FBN3: variants seen among roughly 807,000 people sequenced by gnomAD.
FBN3 encodes fibrillin 3, also known as fibrillin-3.
FBN3 carries 234 observed loss-of-function variants against 330.1 expected under a neutral mutation model. The observed-to-expected ratio is 0.71, with a 90% confidence interval of 0.64 to 0.79. The LOEUF (loss-of-function observed/expected upper bound fraction) is 0.79, where lower values mean the gene tolerates loss of function less well. FBN3 is among the 30% of genes least tolerant of loss of function. The pLI is 0.00. For missense variants in FBN3, 3,606 were observed against 3,886.9 expected (o/e 0.93, Z 1.92); for synonymous variants, 1,458 against 1,517.3 (o/e 0.96, Z 0.91).
At chr19:8,091,942 G>C (rs957421271) in intron 47 of FBN3, among the ~76,000 whole-genome samples, 2 of 152,194 alleles carry the variant, frequency 1.3e-5, no homozygotes, top group African/African-American at 4.8e-5. Context: ...AGCACTTTGG[G>C]AGGTGGAGGC....
At position 8,096,820 on chromosome 19, in the gene FBN3, T is replaced by C; in HGVS notation, c.5413+61A>G. The C allele has an allele frequency of 6.3e-7, 1 of 1,581,318 alleles. No individual in the cohort carries two copies. The stretch of plus-strand genomic sequence containing the variant: ...AAGACCTGGACAGAGCCATACCCCA[T>C]CTAAGTCCCCATGGGTGACAGAGCC... On this transcript the variant is annotated intron_variant, in intron 43 of 63. Coordinates refer to ENST00000600128, the MANE Select transcript of FBN3 (RefSeq NM_032447.5). This position sits in a 1 kb window ranked among gnomAD's most constrained non-coding sequence, Gnocchi z 4.6.
rs576679005 is a variant in FBN3, at chr19:8,087,223, C to G, written c.6620-12G>C. 3.8e-6 allele frequency: 6 copies of G among 1,573,498 alleles called. No individual in the cohort carries two copies. In the South Asian group the frequency reaches 6.9e-5, roughly 18 times the overall value. ...ACACTCGTCCACATCTTCGGATGAC[C>G]AGAGACAGATGGTCAGTCAAGGCCA... On this transcript the variant is annotated splice_polypyrimidine_tract_variant and intron_variant, in intron 53 of 63. Coordinates refer to ENST00000600128, the MANE Select transcript of FBN3 (RefSeq NM_032447.5).
chr19:8,087,598 A>ATTTT (rs35631767), intron 53 of FBN3, among the ~76,000 whole-genome samples: 96 of 75,446 alleles, frequency 1.3e-3, no homozygotes, highest in East Asian at 2.0e-3. Context: ...GCATTGCAGG[A>ATTTT]TTTTTTTTTT....
At chr19:8,077,553 C>A (rs548752784) in intron 59 of FBN3, among the ~76,000 whole-genome samples, 1 of 152,088 alleles carries the variant, frequency 6.6e-6, no homozygotes, top group East Asian at 1.9e-4. Flanking sequence ...GTGGGAGAAT[C>A]GTTTGAACCC....
chr19:8,109,978 C>G lies in FBN3; in HGVS notation c.4334-225G>C, dbSNP rs2082539906. ...CCCTCTCCTGCTCTGTTCTGCCTGG[C>G]AGAGTTTTGTTCATTGAACTCTACC... On this transcript the variant is annotated intron_variant, in intron 34 of 63. Coordinates refer to ENST00000600128, the MANE Select transcript of FBN3 (RefSeq NM_032447.5). This position sits in a 1 kb window ranked among gnomAD's most constrained non-coding sequence, Gnocchi z 5.2. Among the ~76,000 whole-genome samples the G allele has an allele frequency of 6.6e-6, 1 of 152,204 alleles. No individual in the cohort carries two copies. Among genetic ancestry groups the G allele is most frequent in the Non-Finnish European group, 1.5e-5 (1 of 68,044 alleles).
rs373635518 is a variant in FBN3, at chr19:8,099,400, C to A, written c.5161+1501G>T. On this transcript the variant is annotated intron_variant, in intron 41 of 63. Transcript: ENST00000600128. ...GGTTCACGCCATTCTCCTGCCTCAG[C>A]CTCCCGAGTAGCTGGGACTACAGGC... Among the ~76,000 whole-genome samples the A allele has an allele frequency of 3.9e-4, 58 of 150,368 alleles. 1 individual carries two copies. The East Asian group carries it at 9.3e-3, about 24-fold the overall frequency.
In FBN3 at chr19:8,121,154, C is replaced by T; in HGVS notation, c.3211+104G>A. The T allele has an allele frequency of 8.8e-7, 1 of 1,130,284 alleles. No homozygotes were observed. Among genetic ancestry groups the T allele is most frequent in the Non-Finnish European group, 1.3e-6 (1 of 791,258 alleles). The allele number at this position is 1,130,284 out of a possible 1,614,324, so 70.0% of individuals were successfully genotyped here. On this transcript the variant is annotated intron_variant, in intron 25 of 63. Coordinates refer to ENST00000600128, the MANE Select transcript of FBN3 (RefSeq NM_032447.5). This position sits in a 1 kb window ranked among gnomAD's most constrained non-coding sequence, Gnocchi z 4.5. ...TTTACAGCTCCTCCCTCCTCCTGCCCCCTCCATCCACGTCCACACAGCAAC... is the reference window on the plus strand; with the variant it reads ...TTTACAGCTCCTCCCTCCTCCTGCCTCCTCCATCCACGTCCACACAGCAAC...
At chr19:8,119,813 CTTTTTT>C (rs869084219) in intron 25 of FBN3, among the ~76,000 whole-genome samples, 2 of 48,782 alleles carry the variant, frequency 4.1e-5, no homozygotes, top group African/African-American at 9.4e-5. Context: ...CGAGCCCAGC[CTTTTTT>C]TTTTTTTTTT....
rs979325645 is a variant in FBN3, at chr19:8,126,250, T to C, written c.2605+47A>G. On this transcript the variant is annotated intron_variant, in intron 21 of 63. Transcript: ENST00000600128. ...CATGAGGGTGGTGCGCCTGGTTGTG[T>C]GCGGGCTCTGGAGTAGGGGGTGAGC... The C allele has an allele frequency of 1.9e-6, 3 of 1,563,168 alleles. No individual in the cohort carries two copies. The Admixed American group carries it at 5.8e-5, about 30-fold the overall frequency.
At chr19:8,105,443 A>T (rs1212422584) in intron 38 of FBN3, among the ~76,000 whole-genome samples, 2 of 151,884 alleles carry the variant, frequency 1.3e-5, no homozygotes, top group African/African-American at 4.8e-5. Flanking sequence ...TTTTTTGTAG[A>T]GACAAGGTTT....
At chr19:8,084,398 G>A (rs544622199) in intron 56 of FBN3, among the ~76,000 whole-genome samples, 48 of 151,964 alleles carry the variant, frequency 3.2e-4, no homozygotes, top group African/African-American at 1.2e-3. Context: ...TGGGCCGGGC[G>A]CGGTGGCTCA....
chr19:8,070,759 A>G (rs1226014599), intron 63 of FBN3, among the ~76,000 whole-genome samples: 2 of 152,140 alleles, frequency 1.3e-5, no homozygotes, highest in African/African-American at 4.8e-5. Flanking sequence ...GCAGTGCTTC[A>G]TGCCTGTAAT....
intron 26 of FBN3, among the ~76,000 whole-genome samples, chr19:8,118,043 ACACT>A (rs1396362530): frequency 2.0e-5 from 3 of 146,604 alleles, no homozygotes; most frequent in Non-Finnish European, 4.6e-5. Flanking sequence ...CACCCAATGC[ACACT>A]CACACATACA....
Position 8,065,462 on chromosome 19 carries a change from G to A in FBN3, c.*457C>T, listed in dbSNP as rs1412533434. On this transcript the variant is annotated 3_prime_UTR_variant, in exon 64 of 64. Transcript: ENST00000600128. ...TGATATAAAAGCATTCTCCAAATGGGGGGCAAATGTGGCAAGTCACTGTGG... is the reference window on the plus strand; with the variant it reads ...TGATATAAAAGCATTCTCCAAATGGAGGGCAAATGTGGCAAGTCACTGTGG... The A allele has an allele frequency of 6.0e-6, 1 of 165,494 alleles. No individual in the cohort carries two copies. Among genetic ancestry groups the A allele is most frequent in the African/African-American group, 2.4e-5 (1 of 41,996 alleles). The allele number at this position is 165,494 out of a possible 1,614,324, so 10.3% of individuals were successfully genotyped here.
In FBN3 at chr19:8,138,035, A is replaced by G. The variant is rs1429146745; in HGVS notation, c.1201+106T>C. The G allele has an allele frequency of 2.8e-5, 36 of 1,305,662 alleles. 1 individual carries two copies. The highest frequency in any genetic ancestry group is 1.4e-4 in the South Asian group (9 of 64,226). 80.9% of individuals were successfully genotyped at this position (1,305,662 alleles called of 1,614,324 possible). ...CAGGAGTTCCCCCTCCAAAGCCCTA[A>G]CCCTCTCTCTGAGGCCTGGACACCG... is the stretch of plus-strand genomic sequence containing the variant. On this transcript the variant is annotated intron_variant, in intron 10 of 63. Transcript: ENST00000600128.
rs1414320101 is a variant in FBN3, at chr19:8,129,949, G to A, written c.2045-584C>T. ...GTCTCACTCTGTCGCACAGGCTGGA[G>A]TGCAGTGGTGCGATCTCGGCTCACT... On this transcript the variant is annotated intron_variant, in intron 16 of 63. Coordinates refer to ENST00000600128, the MANE Select transcript of FBN3 (RefSeq NM_032447.5). This position sits in a 1 kb window ranked among gnomAD's most constrained non-coding sequence, Gnocchi z 4.5. Among the ~76,000 whole-genome samples the A allele has an allele frequency of 6.6e-6, 1 of 151,716 alleles. No homozygotes were observed. The highest frequency in any genetic ancestry group is 2.0e-4 in the East Asian group (1 of 5,080).
intron 48 of FBN3, among the ~76,000 whole-genome samples, 191 bp downstream of exon 48, chr19:8,091,274 C>T (rs1321741813): frequency 2.0e-5 from 3 of 152,200 alleles, no homozygotes; most frequent in African/African-American, 7.2e-5. Context: ...CCAGGTTAGC[C>T]CTCCATAGAC....
intron 18 of FBN3, among the ~76,000 whole-genome samples, chr19:8,127,621 T>C (rs2083024547): frequency 6.6e-6 from 1 of 152,198 alleles, no homozygotes; most frequent in South Asian, 2.1e-4. Context: ...CTCCTCGGGC[T>C]TGATCATCCG....
In FBN3 at chr19:8,138,498, T is replaced by C; in HGVS notation, c.932A>G (p.His311Arg). ...GGRCAGDLAG[H>R]YTRRQCCCDR... is the part of the protein sequence containing the mutation. ...ACAGCAGCACTGCCTGCGAGTGTAG[T>C]GGCCGGCGAGGTCTCCAGCACAGCG... Residue 311 changes from histidine to arginine, a missense_variant, in exon 9 of 64, where the codon CAC becomes CGC. By Grantham distance (29) the His-to-Arg change is conservative. Transcript: ENST00000600128. 6.2e-7 allele frequency: 1 copy of C among 1,613,022 alleles called. No homozygotes were observed. Among genetic ancestry groups the C allele is most frequent in the Non-Finnish European group, 8.5e-7 (1 of 1,179,990 alleles).
Sources: gnomAD v4.1 joint callset for allele counts (sites outside exome capture counted in the v4.1 genomes callset) on GRCh38, gnomAD v4.1.1 for gene constraint, Gnocchi (gnomAD v3.1) non-coding constraint, MANE v1.5 for transcripts, NCBI Gene and HGNC (gene_info 2026-07-23, HGNC 2026-07-21) for gene names.